SCAI: variants seen among roughly 807,000 people sequenced by gnomAD.
SCAI encodes the protein suppressor of cancer cell invasion, also known as protein SCAI.
SCAI carries 24 observed loss-of-function variants against 92.2 expected under a neutral mutation model. That is an observed-to-expected ratio of 0.26 (90% CI 0.19 to 0.37). SCAI has a LOEUF of 0.37. SCAI is among the 10% of genes least tolerant of loss of function. The pLI, the probability that SCAI is intolerant of heterozygous loss-of-function variation, is 1.00. For synonymous variants in SCAI, 261 were observed against 258.6 expected (o/e 1.01, Z -0.09); for missense variants, 450 against 736.2 (o/e 0.61, Z 4.50).
intron 2 of SCAI, among the ~76,000 whole-genome samples, chr9:125,085,436 G>A (rs924724370): frequency 1.2e-4 from 18 of 152,144 alleles, no homozygotes; most frequent in African/African-American, 4.1e-4. Flanking sequence ...GCAGTGAGCC[G>A]AGAGTGCACC....
chr9:125,004,980 G>A (rs574807141), intron 9 of SCAI, among the ~76,000 whole-genome samples: 1 of 150,376 alleles, frequency 6.6e-6, no homozygotes, highest in African/African-American at 2.4e-5. Context: ...TAGAGATGGG[G>A]TTTCTCCATG....
At chr9:125,138,543 T>C (rs1835593681) in intron 2 of SCAI, among the ~76,000 whole-genome samples, 1 of 152,140 alleles carries the variant, frequency 6.6e-6, no homozygotes, top group Non-Finnish European at 1.5e-5. Context: ...GCCTCCTGAG[T>C]AGCTGGGACT....
chr9:125,087,151 T>C (rs896515069), intron 2 of SCAI, among the ~76,000 whole-genome samples: 2 of 152,220 alleles, frequency 1.3e-5, no homozygotes, highest in Non-Finnish European at 2.9e-5. Flanking sequence ...CTCCCATAGA[T>C]GCAGGTATCA....
chr9:125,052,501 G>A (rs909643540), intron 3 of SCAI, among the ~76,000 whole-genome samples: 5 of 152,050 alleles, frequency 3.3e-5, no homozygotes, highest in African/African-American at 7.2e-5. Flanking sequence ...CAGGAGAATC[G>A]CTTGGAGGCA....
chr9:125,063,583 A>C (rs553718311), intron 2 of SCAI, among the ~76,000 whole-genome samples: 7 of 152,204 alleles, frequency 4.6e-5, no homozygotes, highest in African/African-American at 9.6e-5. Flanking sequence ...AAAAGGTTGT[A>C]AGTCAAAGTA....
At position 124,944,112 on chromosome 9, in the gene SCAI, T is replaced by G. The variant is rs1588107478; in HGVS notation, c.*8695A>C. ...CTGATTGTTGAACAGCAAGGTTTAT[T>G]AAAAATAAGCAAAAAAGTTGGAGAA... is the stretch of plus-strand genomic sequence containing the variant. On this transcript the variant is annotated 3_prime_UTR_variant, in exon 18 of 18. Transcript: ENST00000336505. The G allele has an allele frequency of 6.6e-6, 1 of 152,140 alleles. No homozygotes were observed. The highest frequency in any genetic ancestry group is 1.5e-5 in the Non-Finnish European group (1 of 68,022). 9.4% of individuals were successfully genotyped at this position (152,140 alleles called of 1,614,324 possible).
intron 9 of SCAI, among the ~76,000 whole-genome samples, chr9:125,004,550 A>G (rs1300995891): frequency 6.6e-6 from 1 of 150,464 alleles, no homozygotes; most frequent in East Asian, 2.0e-4. Context: ...GCTGGTCTCA[A>G]ACTCCTGACC....
chr9:125,090,700 T>C (rs1834413029), intron 2 of SCAI, among the ~76,000 whole-genome samples: 1 of 152,198 alleles, frequency 6.6e-6, no homozygotes, highest in South Asian at 2.1e-4. Context: ...AGCGACCTCC[T>C]GGACTCAAGA....
At chr9:125,119,825 C>G (rs563224801) in intron 2 of SCAI, among the ~76,000 whole-genome samples, 1 of 152,198 alleles carries the variant, frequency 6.6e-6, no homozygotes, top group East Asian at 1.9e-4. Flanking sequence ...ACAGCTCACT[C>G]ACATGGCTGG....
chr9:124,967,762 A>G (rs1291968169), intron 17 of SCAI, among the ~76,000 whole-genome samples: 1 of 152,240 alleles, frequency 6.6e-6, no homozygotes, highest in Non-Finnish European at 1.5e-5. Context: ...AAGCACATAT[A>G]AGAAATTGTC....
At chr9:125,078,501 T>C (rs1401891141) in intron 2 of SCAI, among the ~76,000 whole-genome samples, 2 of 152,110 alleles carry the variant, frequency 1.3e-5, no homozygotes, top group African/African-American at 4.8e-5. Flanking sequence ...GCACTCCAGC[T>C]TGGGCGATAA....
At chr9:125,107,363 C>A (rs186050099) in intron 2 of SCAI, among the ~76,000 whole-genome samples, 1 of 150,188 alleles carries the variant, frequency 6.7e-6, no homozygotes, top group East Asian at 2.0e-4. Flanking sequence ...GAGCCGAGAT[C>A]GCCCCGCTGC....
intron 15 of SCAI, among the ~76,000 whole-genome samples, chr9:124,975,862 T>C (rs1306393581): frequency 6.6e-6 from 1 of 151,954 alleles, no homozygotes; most frequent in Non-Finnish European, 1.5e-5. Flanking sequence ...AAATCATGAG[T>C]TCCCCATCAG....
At chr9:125,128,034 T>C (rs1588247078) in intron 2 of SCAI, among the ~76,000 whole-genome samples, 1 of 149,460 alleles carries the variant, frequency 6.7e-6, no homozygotes, top group African/African-American at 2.5e-5. Flanking sequence ...CTAGGCCAGG[T>C]GCAGTGAGTG....
rs190763741 is a variant in SCAI, at chr9:124,994,771, C to T, written c.1326+163G>A. ...TCTTCTTGTTTCTATTCATAGCACCCGATCCTGACTAGCATGCACAACCTC... is the reference window on the plus strand; with the variant it reads ...TCTTCTTGTTTCTATTCATAGCACCTGATCCTGACTAGCATGCACAACCTC... On this transcript the variant is annotated intron_variant, in intron 14 of 17. Coordinates refer to ENST00000336505, the MANE Select transcript of SCAI (RefSeq NM_001144877.3). 3.3e-5 allele frequency among the ~76,000 whole-genome samples: 5 copies of T among 152,114 alleles called. No individual in the cohort carries two copies. The East Asian group carries it at 5.8e-4, about 18-fold the overall frequency.
intron 2 of SCAI, among the ~76,000 whole-genome samples, chr9:125,074,203 G>A (rs1440783815): frequency 4.1e-5 from 6 of 147,458 alleles, no homozygotes; most frequent in South Asian, 2.2e-4. Flanking sequence ...AGGTTGCCGC[G>A]AGCCAAGATT....
Position 125,064,793 on chromosome 9 carries a change from C to T in SCAI, c.99-8786G>A, listed in dbSNP as rs545279403. 2.6e-5 allele frequency among the ~76,000 whole-genome samples: 4 copies of T among 152,222 alleles called. No individual in the cohort carries two copies. The South Asian group carries it at 8.3e-4, about 32-fold the overall frequency. ...CCCAGGAGGCGGAGGTTGCAGTGAG[C>T]CAAGATCGTGCCACTGCATTCTAGC... is the stretch of plus-strand genomic sequence containing the variant. On this transcript the variant is annotated intron_variant, in intron 2 of 17. Coordinates refer to ENST00000336505, the MANE Select transcript of SCAI (RefSeq NM_001144877.3).
chr9:125,017,035 A>G (rs34415828), intron 9 of SCAI, among the ~76,000 whole-genome samples: 51,301 of 151,966 alleles, frequency 0.34, 9,869 homozygotes, highest in Non-Finnish European at 0.42. Context: ...AGGAGAAGAT[A>G]GTTCAACACA....
chr9:125,073,012 T>C (rs112023301), intron 2 of SCAI, among the ~76,000 whole-genome samples: 5,258 of 151,358 alleles, frequency 0.035, 322 homozygotes, highest in African/African-American at 0.12. Context: ...TACAAATATC[T>C]CATCAAGAAC....
Sources: allele counts gnomAD v4.1 joint callset (sites outside exome capture counted in the v4.1 genomes callset), GRCh38; gene constraint gnomAD v4.1.1; transcripts MANE v1.5; gene names NCBI Gene and HGNC (gene_info 2026-07-23, HGNC 2026-07-21).